Variants in GNG2 observed in about 807,000 individuals in gnomAD.
GNG2 encodes guanine nucleotide-binding protein G(I)/G(S)/G(O) subunit gamma-2.
GNG2 carries 5 observed loss-of-function variants against 5.5 expected under a neutral mutation model. That is an observed-to-expected ratio of 0.91 (90% CI 0.48 to 1.92). The LOEUF (loss-of-function observed/expected upper bound fraction) is 1.92. Ranked by LOEUF, GNG2 falls within the 30% of genes most tolerant of loss-of-function variation. The probability of loss-of-function intolerance (pLI) is 0.01; values close to 1 mark genes in which losing one functional copy is unlikely to be tolerated. For missense variants in GNG2, 55 were observed against 88.4 expected (o/e 0.62, Z 1.52); for synonymous variants, 28 against 32.0 (o/e 0.88, Z 0.42).
chr14:51,880,897 T>C (rs1191978935), intron 2 of GNG2, among the ~76,000 whole-genome samples: 1 of 137,938 alleles, frequency 7.2e-6, no homozygotes, highest in African/African-American at 2.7e-5. Context: ...TGGGGGTTAA[T>C]CCAACTCTTG....
chr14:51,941,066 T>A (rs1888292877), intron 2 of GNG2, among the ~76,000 whole-genome samples: 1 of 151,998 alleles, frequency 6.6e-6, no homozygotes, highest in Non-Finnish European at 1.5e-5. Context: ...TATATATACA[T>A]CATTTAGTAG....
chr14:51,929,739 T>C (rs1887542473), intron 2 of GNG2, among the ~76,000 whole-genome samples: 2 of 152,174 alleles, frequency 1.3e-5, no homozygotes, highest in South Asian at 2.1e-4. Context: ...ACAGGAGCTT[T>C]CTTGATCCCT....
At chr14:51,880,215 A>C (rs1199406029) in intron 2 of GNG2, among the ~76,000 whole-genome samples, 4 of 152,076 alleles carry the variant, frequency 2.6e-5, no homozygotes, top group Non-Finnish European at 5.9e-5. Context: ...CATTTCTCCA[A>C]CTCTGGAGGG....
chr14:51,832,107 C>A (rs1473542487), intron 2 of GNG2, among the ~76,000 whole-genome samples: 2 of 150,938 alleles, frequency 1.3e-5, no homozygotes, highest in African/African-American at 2.5e-5. Flanking sequence ...TGGCGAGACC[C>A]TGTCTGTACA....
chr14:51,897,336 A>T (rs1474419178), intron 2 of GNG2, among the ~76,000 whole-genome samples: 7 of 152,202 alleles, frequency 4.6e-5, no homozygotes, highest in Non-Finnish European at 8.8e-5. Flanking sequence ...GTGAAGAATG[A>T]GACTTTGTAA....
At chr14:51,867,963 G>A (rs1438676800) in intron 1 of GNG2, among the ~76,000 whole-genome samples, 6 of 151,716 alleles carry the variant, frequency 4.0e-5, no homozygotes, top group African/African-American at 1.2e-4. Flanking sequence ...TTTCATCTTT[G>A]TCTTCCTTAT....
chr14:51,870,204 A>G (rs1883203233), intron 1 of GNG2, among the ~76,000 whole-genome samples: 1 of 152,168 alleles, frequency 6.6e-6, no homozygotes, highest in African/African-American at 2.4e-5. Flanking sequence ...TTTTGGCTAT[A>G]TAACAAACCT....
chr14:51,839,939 T>G (rs1172949724), intron 2 of GNG2, among the ~76,000 whole-genome samples: 1 of 149,740 alleles, frequency 6.7e-6, no homozygotes, highest in Non-Finnish European at 1.5e-5. Flanking sequence ...CCAACAGTCT[T>G]GCAACTTCAG....
chr14:51,941,873 T>C (rs142724654), intron 2 of GNG2, among the ~76,000 whole-genome samples: 1 of 152,228 alleles, frequency 6.6e-6, no homozygotes, highest in East Asian at 1.9e-4. Context: ...CTCTCATCAG[T>C]TGAAAAGAAT....
At chr14:51,959,288 A>G (rs978548118) in intron 3 of GNG2, among the ~76,000 whole-genome samples, 1 of 152,078 alleles carries the variant, frequency 6.6e-6, no homozygotes, top group African/African-American at 2.4e-5. Context: ...ACATCTCACT[A>G]ATAGACATTT....
At chr14:51,838,728 A>G (rs189614031) in intron 2 of GNG2, among the ~76,000 whole-genome samples, 1 of 152,128 alleles carries the variant, frequency 6.6e-6, no homozygotes, top group African/African-American at 2.4e-5. Flanking sequence ...GCTAATACAG[A>G]CTCCATCTCT....
intron 2 of GNG2, among the ~76,000 whole-genome samples, chr14:51,845,754 CA>C (rs1385587066): frequency 6.6e-6 from 1 of 152,104 alleles, no homozygotes; most frequent in Non-Finnish European, 1.5e-5. Flanking sequence ...TAAGATTTTG[CA>C]AAATGATTTG....
chr14:51,928,714 C>T (rs943244044), intron 2 of GNG2, among the ~76,000 whole-genome samples: 4 of 152,186 alleles, frequency 2.6e-5, no homozygotes, highest in Non-Finnish European at 5.9e-5. Flanking sequence ...TTAACCCCAC[C>T]CACCTCCAAT....
At chr14:51,840,974 C>G (rs1316016526) in intron 2 of GNG2, among the ~76,000 whole-genome samples, 1 of 152,136 alleles carries the variant, frequency 6.6e-6, no homozygotes, top group Non-Finnish European at 1.5e-5. Flanking sequence ...GGAGTCTTCA[C>G]ATATCTGGTA....
At chr14:51,936,618 A>G (rs1888025646) in intron 2 of GNG2, among the ~76,000 whole-genome samples, 1 of 150,286 alleles carries the variant, frequency 6.7e-6, no homozygotes, top group Admixed American at 6.7e-5. Flanking sequence ...TGGCATGATC[A>G]CAGCTCATTG....
At chr14:51,864,163 A>AAT (rs1484721149) in intron 1 of GNG2, among the ~76,000 whole-genome samples, 5 of 152,154 alleles carry the variant, frequency 3.3e-5, no homozygotes, top group African/African-American at 9.7e-5. Flanking sequence ...CATTCTCATC[A>AAT]ATATTTATTT....
At chr14:51,887,166 T>G (rs1180091250) in intron 2 of GNG2, among the ~76,000 whole-genome samples, 2 of 152,158 alleles carry the variant, frequency 1.3e-5, no homozygotes, top group African/African-American at 4.8e-5. Context: ...AAAACCACCC[T>G]ATGCTTTCCT....
At chr14:51,919,625 G>A (rs528305528) in intron 2 of GNG2, among the ~76,000 whole-genome samples, 2 of 152,234 alleles carry the variant, frequency 1.3e-5, no homozygotes, top group African/African-American at 2.4e-5. Context: ...CCAGCTAGTG[G>A]GTTCCTGGAC....
chr14:51,832,835 C>T (rs531447518), intron 2 of GNG2, among the ~76,000 whole-genome samples: 16 of 152,286 alleles, frequency 1.1e-4, no homozygotes, highest in African/African-American at 3.1e-4. Context: ...AAGATGAGGG[C>T]TTCAATATAC....
Sources: allele counts gnomAD v4.1 joint callset (sites outside exome capture counted in the v4.1 genomes callset), GRCh38; gene constraint gnomAD v4.1.1; transcripts MANE v1.5; gene names NCBI Gene and HGNC (gene_info 2026-07-23, HGNC 2026-07-21).